SLC2A4RG: variants seen among roughly 807,000 people sequenced by gnomAD.
The protein encoded by SLC2A4RG is SLC2A4 regulator, also known as GLUT4 enhancer factor.
In SLC2A4RG, 23 loss-of-function variants were observed where a neutral mutation model predicts 35.5. The ratio of observed to expected loss-of-function variants is 0.65; its 90% CI spans 0.47 to 0.92. The LOEUF is 0.92. Among genes scored for constraint, SLC2A4RG ranks in the 40% least tolerant of loss-of-function variants. The pLI is 0.00. For missense variants in SLC2A4RG, 539 were observed against 525.0 expected (o/e 1.03, Z -0.26); for synonymous variants, 306 against 243.7 (o/e 1.26, Z -2.38).
Position 63,741,967 on chromosome 20 carries a change from G to C in SLC2A4RG, c.490G>C (p.Asp164His). The change falls in exon 4 of 8, where the codon GAC becomes CAC. Residue 164 changes from aspartate to histidine, a missense_variant. By Grantham distance (81) the Asp-to-His change is moderately conservative. Transcript: ENST00000266077. ...AGACTGGGGATGGGACCTGGCCAGT[G>C]ACCAGTCCTCTCCGTCCACCCCGTC... ...SGDWGWDLAS[D>H]QSSPSTPSPP... 1 of 1,613,014 alleles carries C rather than the reference G, an allele frequency of 6.2e-7. No individual in the cohort carries two copies.
In SLC2A4RG at chr20:63,742,224, ACCTGGGGTGCGGCGGGG is replaced by A; in HGVS notation, c.680+16_680+32del. 561 of 1,595,770 alleles carry A rather than the reference ACCTGGGGTGCGGCGGGG, an allele frequency of 3.5e-4. 2 individuals are homozygous for A. The highest frequency in any genetic ancestry group is 1.4e-3 in the South Asian group (128 of 89,084). ...ATGCAGAGACACATCCGCCTGGTGC[ACCTGGGGTGCGGCGGGG>A]CCTGGGGTGCGGCGGGGCCTGCGGG... On this transcript the variant is annotated splice_donor_variant and splice_donor_5th_base_variant and coding_sequence_variant and intron_variant, in exon 5 of 8. Coordinates refer to ENST00000266077, the MANE Select transcript of SLC2A4RG (RefSeq NM_020062.4). LOFTEE classifies it high-confidence loss of function.
chr20:63,742,296 C>T, intron 5 of SLC2A4RG, 40 bp from the exon 6 acceptor site: 1 of 1,604,686 alleles, frequency 6.2e-7, no homozygotes, highest in Non-Finnish European at 8.5e-7. Flanking sequence ...CCGGCCAGGC[C>T]ACCCCTTCAG....
rs767724219 is a variant in SLC2A4RG, at chr20:63,742,194, C to T, written c.644C>T (p.Ser215Leu). The T allele has an allele frequency of 9.4e-6, 15 of 1,600,636 alleles. No individual in the cohort carries two copies. The highest frequency in any genetic ancestry group is 1.7e-5 in the Admixed American group (1 of 58,036). Reference sequence around the variant, plus strand: ...TGCGGGAAGGTGCTGAGCACGGCGTCGGCGATGCAGAGACACATCCGCCTG... The same window carrying T: ...TGCGGGAAGGTGCTGAGCACGGCGTTGGCGATGCAGAGACACATCCGCCTG... ...KSCGKVLSTA[S>L]AMQRHIRLVH... The change falls in exon 5 of 8, where the codon TCG (serine) becomes TTG (leucine). Residue 215 changes from serine to leucine, a missense_variant. Coordinates refer to ENST00000266077, the MANE Select transcript of SLC2A4RG (RefSeq NM_020062.4).
Position 63,742,773 on chromosome 20 carries a change from G to A in SLC2A4RG, c.1035G>A (p.Arg345=). The A allele has an allele frequency of 6.3e-7, 1 of 1,591,680 alleles. No homozygotes were observed. Among genetic ancestry groups the A allele is most frequent in the South Asian group, 1.1e-5 (1 of 88,366 alleles). Residue 345 remains arginine (R), a synonymous_variant, in exon 7 of 8, where the codon AGG becomes AGA. Coordinates refer to ENST00000266077, the MANE Select transcript of SLC2A4RG (RefSeq NM_020062.4). ...CCTGCCCACCCGCCTTGTCCTCCAG[G>A]ATCGGAGTCACCCTGAGGTGCGTGT... ...VGACPPALSS[R]IGVTLRKPRG...
chr20:63,740,331 C>A lies in SLC2A4RG; in HGVS notation c.127-46C>A, dbSNP rs898717166. The A allele has an allele frequency of 5.9e-6, 7 of 1,186,090 alleles. No individual in the cohort carries two copies. The Admixed American group carries it at 3.0e-4, about 51-fold the overall frequency. The allele number at this position is 1,186,090 out of a possible 1,614,324, so 73.5% of individuals were successfully genotyped here. A position where few individuals can be genotyped will look rare whatever the true frequency, so the allele number is the denominator to read the frequency against. On this transcript the variant is annotated intron_variant, in intron 1 of 7. Transcript: ENST00000266077. ...GCGGCGGAGGTTGAGGGACCCCCCT[C>A]CCCCGGCCACCGCCTCCGCTGAGTC... is the stretch of plus-strand genomic sequence containing the variant.
chr20:63,743,380 CACTTA>C lies in SLC2A4RG; in HGVS notation c.*394_*398del, dbSNP rs762488870. ...GTTGGAGAGGGGACTCCCCCACTCG[CACTTA>C]ACTCAACGGCTCTCGGGCCCTGGGG... is the stretch of plus-strand genomic sequence containing the variant. On this transcript the variant is annotated 3_prime_UTR_variant, in exon 8 of 8. Transcript: ENST00000266077. The C allele has an allele frequency of 3.4e-5, 6 of 174,452 alleles. No homozygotes were observed. Among genetic ancestry groups the C allele is most frequent in the Non-Finnish European group, 6.2e-5 (5 of 81,286 alleles). 10.8% of individuals were successfully genotyped at this position (174,452 alleles called of 1,614,324 possible).
In SLC2A4RG at chr20:63,741,450, TG is replaced by T; in HGVS notation, c.367del (p.Ala123ProfsTer67). The T allele has an allele frequency of 6.2e-7, 1 of 1,613,402 alleles. No homozygotes were observed. The highest frequency in any genetic ancestry group is 8.5e-7 in the Non-Finnish European group (1 of 1,179,874). On this transcript the variant is annotated frameshift_variant, in exon 3 of 8. Coordinates refer to ENST00000266077, the MANE Select transcript of SLC2A4RG (RefSeq NM_020062.4). LOFTEE classifies it high-confidence loss of function. ...LTSLSTSPLL[L>X]GAPVAAFSPE... ...AGCCTGTCCACCAGCCCTCTCCTTC[TG>T]GGGGCCCCGGTTGCAGCCTTCAGCC...
intron 1 of SLC2A4RG, 116 bp from the exon 2 acceptor site, chr20:63,740,261 C>A: frequency 1.4e-6 from 1 of 711,698 alleles, no homozygotes. Flanking sequence ...CCGCGCCGTC[C>A]ACACCGGCCG....
In SLC2A4RG at chr20:63,742,029, T is replaced by G. The variant is rs1400281717; in HGVS notation, c.552T>G (p.Phe184Leu). Residue 184 changes from phenylalanine (F) to leucine (L), a missense_variant, in exon 4 of 8, where the codon TTT (phenylalanine) becomes TTG (leucine). Phe to Leu is a conservative substitution (Grantham distance 22). Coordinates refer to ENST00000266077, the MANE Select transcript of SLC2A4RG (RefSeq NM_020062.4). Reference protein sequence around the residue: ...PLPPEAAHFLFGEPTLRKRKS... With the variant: ...PLPPEAAHFLLGEPTLRKRKS... ...CCCCCGAGGCAGCCCACTTTCTGTT[T>G]GGGGAGCCCACCCTGAGAAAAAGGA... The G allele has an allele frequency of 2.5e-6, 4 of 1,612,234 alleles. No individual in the cohort carries two copies. The highest frequency in any genetic ancestry group is 3.4e-6 in the Non-Finnish European group (4 of 1,179,202).
At position 63,743,220 on chromosome 20, in the gene SLC2A4RG, AG is replaced by A. The variant is rs1226119276; in HGVS notation, c.*231del. On this transcript the variant is annotated 3_prime_UTR_variant, in exon 8 of 8. Coordinates refer to ENST00000266077, the MANE Select transcript of SLC2A4RG (RefSeq NM_020062.4). ...TAAAGAAACCAGCTTTTTGCACTAA[AG>A]CCAAACCACACCGCTGTCCCCTTAG... is the stretch of plus-strand genomic sequence containing the variant. The A allele has an allele frequency of 6.2e-6, 3 of 481,284 alleles. No individual in the cohort carries two copies. The East Asian group carries it at 1.0e-4, about 17-fold the overall frequency. The allele number at this position is 481,284 out of a possible 1,614,324, so 29.8% of individuals were successfully genotyped here.
intron 3 of SLC2A4RG, 47 bp from the exon 4 acceptor site, chr20:63,741,822 C>T (rs762381151): frequency 6.5e-6 from 10 of 1,527,366 alleles, no homozygotes; most frequent in Non-Finnish European, 8.8e-6. Context: ...TTAGGGACTC[C>T]CTGGACCCAC....
chr20:63,741,194 C>A lies in SLC2A4RG; in HGVS notation c.282-176C>A, dbSNP rs976988947. 14 of 611,858 alleles carry A rather than the reference C, an allele frequency of 2.3e-5. No individual in the cohort carries two copies. The African/African-American group carries it at 2.4e-4, about 11-fold the overall frequency. 37.9% of individuals were successfully genotyped at this position (611,858 alleles called of 1,614,324 possible). A position where few individuals can be genotyped will look rare whatever the true frequency, so the allele number is the denominator to read the frequency against. On this transcript the variant is annotated intron_variant, in intron 2 of 7. Coordinates refer to ENST00000266077, the MANE Select transcript of SLC2A4RG (RefSeq NM_020062.4). ...ACCCTGGCCCTGCTCCTGGCGGCTCCGGGTGGCTTTCAGCTCTCTCTGCAA... is the reference window on the plus strand; with the variant it reads ...ACCCTGGCCCTGCTCCTGGCGGCTCAGGGTGGCTTTCAGCTCTCTCTGCAA...
In SLC2A4RG at chr20:63,742,333, C is replaced by G. The variant is rs1046617; in HGVS notation, c.681-3C>G. ...TCCCACTGGCTGGCTGTGTCTCCCG[C>G]AGGAGGCAGGCAGAGCCTGAGCAGA... is the stretch of plus-strand genomic sequence containing the variant. On this transcript the variant is annotated splice_region_variant and splice_polypyrimidine_tract_variant and intron_variant, in intron 5 of 7. Coordinates refer to ENST00000266077, the MANE Select transcript of SLC2A4RG (RefSeq NM_020062.4). 1 of 1,606,930 alleles carries G rather than the reference C, an allele frequency of 6.2e-7. No individual in the cohort carries two copies. Among genetic ancestry groups the G allele is most frequent in the South Asian group, 1.1e-5 (1 of 90,470 alleles).
chr20:63,742,954 C>A lies in SLC2A4RG; in HGVS notation c.1128C>A (p.Cys376Ter), dbSNP rs1448830763. ...MERRDLWCTA[C>*]RWKKACQRFL... is the part of the protein sequence containing the mutation. ...GCCGGGACCTCTGGTGCACAGCCTGCCGCTGGAAGAAAGCCTGCCAGCGGT... is the reference window on the plus strand; with the variant it reads ...GCCGGGACCTCTGGTGCACAGCCTGACGCTGGAAGAAAGCCTGCCAGCGGT... The change falls in exon 8 of 8, where the codon TGC (cysteine) becomes TGA (stop). Residue 376 changes from cysteine (C) to a stop codon, truncating the protein, a stop_gained. Coordinates refer to ENST00000266077, the MANE Select transcript of SLC2A4RG (RefSeq NM_020062.4). LOFTEE classifies it high-confidence loss of function. 1 of 1,611,946 alleles carries A rather than the reference C, an allele frequency of 6.2e-7. No homozygotes were observed. Among genetic ancestry groups the A allele is most frequent in the Non-Finnish European group, 8.5e-7 (1 of 1,179,350 alleles).
At position 63,741,851 on chromosome 20, in the gene SLC2A4RG, G is replaced by T. The variant is rs1002763630; in HGVS notation, c.392-18G>T. On this transcript the variant is annotated intron_variant, in intron 3 of 7. Transcript: ENST00000266077. Reference sequence around the variant, plus strand: ...GACCCACCCGAAGTTCTAAGGCGGGGGGCCCGTGTCCCCACAGAGCCTGGC... The same window carrying T: ...GACCCACCCGAAGTTCTAAGGCGGGTGGCCCGTGTCCCCACAGAGCCTGGC... The T allele has an allele frequency of 2.6e-6, 4 of 1,566,066 alleles. No homozygotes were observed. In the African/African-American group the frequency reaches 5.4e-5, roughly 21 times the overall value.
At chr20:63,740,978 G>T (rs985563044) in intron 2 of SLC2A4RG, among the ~76,000 whole-genome samples, 1 of 152,184 alleles carries the variant, frequency 6.6e-6, no homozygotes, top group South Asian at 2.1e-4. Context: ...CCGGCTGCTG[G>T]CCACTCCCAC....
intron 2 of SLC2A4RG, among the ~76,000 whole-genome samples, chr20:63,740,897 G>A (rs905816600): frequency 6.6e-6 from 1 of 152,148 alleles, no homozygotes; most frequent in Non-Finnish European, 1.5e-5. Flanking sequence ...GGGCAGGGGC[G>A]GGCCCTGGCC....
rs565810341 is a variant in SLC2A4RG, at chr20:63,741,507, G to A, written c.391+28G>A. The A allele has an allele frequency of 5.6e-6, 9 of 1,594,810 alleles. No homozygotes were observed. In the South Asian group the frequency reaches 1.0e-4, roughly 18 times the overall value. ...AAGACTCAGATGTCTGCATTTAGGG[G>A]TGTGGGTGGGGACAGGGCTCAGAAC... On this transcript the variant is annotated intron_variant, in intron 3 of 7. Coordinates refer to ENST00000266077, the MANE Select transcript of SLC2A4RG (RefSeq NM_020062.4).
In SLC2A4RG at chr20:63,743,148, C is replaced by G. The variant is rs1032435342; in HGVS notation, c.*158C>G. 15 of 559,434 alleles carry G rather than the reference C, an allele frequency of 2.7e-5. No individual in the cohort carries two copies. Among genetic ancestry groups the G allele is most frequent in the Non-Finnish European group, 4.1e-5 (13 of 318,554 alleles). The allele number at this position is 559,434 out of a possible 1,614,324, so 34.7% of individuals were successfully genotyped here. A position where few individuals can be genotyped will look rare whatever the true frequency, so the allele number is the denominator to read the frequency against. ...GGGGGGGCGGGGCTGACCCTGAACCCTCCCCCCCGCCAGGTCGGGGAGGGG... is the reference window on the plus strand; with the variant it reads ...GGGGGGGCGGGGCTGACCCTGAACCGTCCCCCCCGCCAGGTCGGGGAGGGG... On this transcript the variant is annotated 3_prime_UTR_variant, in exon 8 of 8. Coordinates refer to ENST00000266077, the MANE Select transcript of SLC2A4RG (RefSeq NM_020062.4).
Sources: allele counts gnomAD v4.1 joint callset (sites outside exome capture counted in the v4.1 genomes callset), GRCh38; gene constraint gnomAD v4.1.1; transcripts MANE v1.5; gene names NCBI Gene and HGNC (gene_info 2026-07-23, HGNC 2026-07-21).